Variants in CUL1 observed in about 807,000 individuals in gnomAD.
CUL1 encodes cullin-1.
CUL1 carries 24 observed loss-of-function variants against 118.0 expected under a neutral mutation model. The observed-to-expected ratio is 0.20, with a 90% CI of 0.15 to 0.29. The LOEUF is 0.29. Among genes scored for constraint, CUL1 ranks in the 10% least tolerant of loss-of-function variants. CUL1 has a pLI of 1.00. For missense variants in CUL1, 361 were observed against 933.8 expected (o/e 0.39, Z 7.99); for synonymous variants, 332 against 340.4 (o/e 0.98, Z 0.27).
intron 1 of CUL1, among the ~76,000 whole-genome samples, chr7:148,724,566 C>G (rs57634379): frequency 6.6e-6 from 1 of 152,168 alleles, no homozygotes; most frequent in Non-Finnish European, 1.5e-5. Context: ...ATTGCATCTT[C>G]TGCCTTGGTT....
chr7:148,797,937 G>T lies in CUL1; in HGVS notation c.1948G>T (p.Val650Phe). 1 of 1,612,846 alleles carries T rather than the reference G, an allele frequency of 6.2e-7. No homozygotes were observed. ...LQILLKSKLL[V>F]LEDENANVDE... ...TAGAGTAACAATTGTTTTCTTACAG[G>T]TCTTGGAAGATGAAAATGCAAATGT... The change falls in exon 19 of 22, where the codon GTC becomes TTC. Residue 650 changes from valine to phenylalanine, a missense_variant and splice_region_variant. Around this residue, in one of 7 missense-constraint regions of CUL1, gnomAD observed 84 missense variants for 203.3 expected, o/e 0.41. Transcript: ENST00000325222.
intron 2 of CUL1, among the ~76,000 whole-genome samples, chr7:148,736,069 G>C (rs1798930230): frequency 6.6e-6 from 1 of 151,676 alleles, no homozygotes. Context: ...AACTACTCAG[G>C]AGGCTGAGGC....
chr7:148,742,659 G>GGTGCAT (rs1799184416), intron 2 of CUL1, among the ~76,000 whole-genome samples: 1 of 146,690 alleles, frequency 6.8e-6, no homozygotes, highest in Non-Finnish European at 1.5e-5. Flanking sequence ...CTGGAGTGCA[G>GGTGCAT]TGCATGTTCT....
At chr7:148,724,668 TC>T (rs1798503278) in intron 1 of CUL1, among the ~76,000 whole-genome samples, 1 of 152,222 alleles carries the variant, frequency 6.6e-6, no homozygotes, top group African/African-American at 2.4e-5. Context: ...CCTGCTGTCG[TC>T]CTGCTTCACT....
At chr7:148,799,206 G>T in intron 20 of CUL1, 69 bp from the exon 21 acceptor site, 2 of 1,215,954 alleles carry the variant, frequency 1.6e-6, no homozygotes, top group South Asian at 2.6e-5. Flanking sequence ...TGTGCAGCTT[G>T]TCCTTAACTA....
At chr7:148,720,563 G>A (rs749174543) in intron 1 of CUL1, among the ~76,000 whole-genome samples, 73 of 152,170 alleles carry the variant, frequency 4.8e-4, no homozygotes, top group Non-Finnish European at 6.8e-4. Flanking sequence ...CACGCAACAT[G>A]AGGAAAATAG....
In CUL1 at chr7:148,706,225, A is replaced by G. The variant is rs76827434; in HGVS notation, c.-162+7196A>G. ...AAAATATGAAACAGTCTGAAATTCAAAAGACTTCTGGACCCAAGCATTTCA... is the reference window on the plus strand; with the variant it reads ...AAAATATGAAACAGTCTGAAATTCAGAAGACTTCTGGACCCAAGCATTTCA... On this transcript the variant is annotated intron_variant, in intron 1 of 21. Coordinates refer to ENST00000325222, the MANE Select transcript of CUL1 (RefSeq NM_003592.3). Among the ~76,000 whole-genome samples the G allele has an allele frequency of 1.6e-3, 243 of 152,330 alleles. 1 individual carries two copies. Among genetic ancestry groups the G allele is most frequent in the African/African-American group, 5.4e-3 (226 of 41,572 alleles).
At chr7:148,773,356 C>T (rs575582373) in intron 9 of CUL1, among the ~76,000 whole-genome samples, 1 of 152,042 alleles carries the variant, frequency 6.6e-6, no homozygotes, top group African/African-American at 2.4e-5. Context: ...TTGTCTTAGT[C>T]CTGCTTTTAA....
rs12672269 is a variant in CUL1, at chr7:148,721,818, A to G, written c.-161-8144A>G. On this transcript the variant is annotated intron_variant, in intron 1 of 21. Transcript: ENST00000325222. Reference sequence around the variant, plus strand: ...GTGTGGTCTGTTGTGTGACTGTCCTACTGCTTAGTTGTGAATTCTCCTGTT... The same window carrying G: ...GTGTGGTCTGTTGTGTGACTGTCCTGCTGCTTAGTTGTGAATTCTCCTGTT... 1.5e-3 allele frequency among the ~76,000 whole-genome samples: 230 copies of G among 151,756 alleles called. 4 individuals carry two copies. The East Asian group carries it at 0.04, about 26-fold the overall frequency.
intron 1 of CUL1, among the ~76,000 whole-genome samples, 190 bp downstream of exon 1, chr7:148,699,219 C>T (rs1053867076): frequency 6.6e-6 from 1 of 151,948 alleles, no homozygotes; most frequent in African/African-American, 2.4e-5. Flanking sequence ...GGGCGGAGGA[C>T]GCCGAAGGTG....
At chr7:148,776,082 C>T (rs1015485012) in intron 9 of CUL1, among the ~76,000 whole-genome samples, 3 of 151,812 alleles carry the variant, frequency 2.0e-5, no homozygotes, top group Non-Finnish European at 4.4e-5. Context: ...TGTCATAATT[C>T]GTCAGTCCTA....
chr7:148,708,941 A>G (rs1797968487), intron 1 of CUL1, among the ~76,000 whole-genome samples: 2 of 152,256 alleles, frequency 1.3e-5, no homozygotes, highest in Non-Finnish European at 2.9e-5. Context: ...AAACTGATTA[A>G]ATAATTCACT....
chr7:148,730,343 T>C, intron 2 of CUL1, 81 bp downstream of exon 2: 1 of 1,404,966 alleles, frequency 7.1e-7, no homozygotes, highest in Non-Finnish European at 9.5e-7. Flanking sequence ...TAGAATTTTA[T>C]ATTGTTTTCT....
chr7:148,739,150 A>C (rs969131962), intron 2 of CUL1, among the ~76,000 whole-genome samples: 4 of 152,050 alleles, frequency 2.6e-5, no homozygotes, highest in African/African-American at 9.7e-5. Flanking sequence ...CAGATAATAC[A>C]CTTGAATTAT....
intron 7 of CUL1, among the ~76,000 whole-genome samples, chr7:148,761,311 C>T (rs991047489): frequency 9.9e-5 from 15 of 152,072 alleles, no homozygotes; most frequent in African/African-American, 3.4e-4. Flanking sequence ...AGTTTGAGAC[C>T]AGCCTGACCA....
chr7:148,780,854 A>G (rs1288893478), intron 9 of CUL1, among the ~76,000 whole-genome samples: 1 of 152,104 alleles, frequency 6.6e-6, no homozygotes. Context: ...AAAAACATCC[A>G]TTTGATCCAG....
rs778032043 is a variant in CUL1 at position 148,730,107 on chromosome 7, T to A, written c.-16T>A. On this transcript the variant is annotated 5_prime_UTR_variant, in exon 2 of 22. Transcript: ENST00000325222. The stretch of plus-strand genomic sequence containing the variant: ...TAAGGATTGCTGCACTGGACGACTT[T>A]AGAACATCCCTCACAATGTCGTCAA... 1 of 1,611,134 alleles carries A rather than the reference T, an allele frequency of 6.2e-7. No individual in the cohort carries two copies. Among genetic ancestry groups the A allele is most frequent in the Non-Finnish European group, 8.5e-7 (1 of 1,178,766 alleles).
At chr7:148,763,144 C>T (rs1329394036) in intron 7 of CUL1, among the ~76,000 whole-genome samples, 3 of 150,678 alleles carry the variant, frequency 2.0e-5, no homozygotes, top group Non-Finnish European at 4.4e-5. Context: ...GAGACTCTGT[C>T]TCAAAAAAAA....
intron 2 of CUL1, among the ~76,000 whole-genome samples, chr7:148,734,354 C>T (rs538479470): frequency 4.6e-5 from 7 of 152,246 alleles, no homozygotes; most frequent in African/African-American, 1.2e-4. Flanking sequence ...AGGTGATCAC[C>T]CCGCCTCAGC....
Sources: gnomAD v4.1 joint callset for allele counts (sites outside exome capture counted in the v4.1 genomes callset) on GRCh38, gnomAD v4.1.1 for gene constraint, gnomAD v4.1.1 regional missense constraint, MANE v1.5 for transcripts, NCBI Gene and HGNC (gene_info 2026-07-23, HGNC 2026-07-21) for gene names.